Variants in ELF1 observed in about 807,000 individuals in gnomAD.
ELF1 encodes E74 like ETS transcription factor 1.
Under a neutral mutation model 59.9 loss-of-function variants are expected in ELF1, and 24 were observed. That is an observed-to-expected ratio of 0.40 (90% CI 0.29 to 0.56). The LOEUF (loss-of-function observed/expected upper bound fraction) is 0.56. ELF1 is among the 20% of genes least tolerant of loss of function. The pLI, the probability that ELF1 is intolerant of heterozygous loss-of-function variation, is 0.44. For missense variants in ELF1, 627 were observed against 742.2 expected, an observed-to-expected ratio of 0.84 and a Z score of 1.80; for synonymous variants, 248 against 266.2, an observed-to-expected ratio of 0.93 and a Z score of 0.67.
At chr13:40,977,093 T>C (rs1468253560) in intron 2 of ELF1, among the ~76,000 whole-genome samples, 1 of 152,186 alleles carries the variant, frequency 6.6e-6, no homozygotes, top group African/African-American at 2.4e-5. Context: ...GTTTTTTTCA[T>C]ATAATATATC....
intron 1 of ELF1, among the ~76,000 whole-genome samples, chr13:40,993,864 A>G (rs890223342): frequency 6.6e-6 from 1 of 151,900 alleles, no homozygotes; most frequent in Non-Finnish European, 1.5e-5. Context: ...TATCAAAAGT[A>G]TAGTTTTATT....
At chr13:41,024,348 G>A (rs1164843494) in intron 1 of ELF1, among the ~76,000 whole-genome samples, 3 of 151,954 alleles carry the variant, frequency 2.0e-5, no homozygotes, top group Non-Finnish European at 2.9e-5. Flanking sequence ...TTGAGACAGA[G>A]TTTTGCTCTG....
chr13:40,951,640 G>C (rs1338396506), intron 3 of ELF1: 4 of 340,802 alleles, frequency 1.2e-5, no homozygotes, highest in African/African-American at 6.4e-5. Flanking sequence ...GGAAGCCGAG[G>C]CAAGCAGATT....
At chr13:40,994,774 T>C (rs1159616021) in intron 1 of ELF1, among the ~76,000 whole-genome samples, 3 of 152,192 alleles carry the variant, frequency 2.0e-5, no homozygotes, top group East Asian at 3.8e-4. Context: ...GTTAAAAAAA[T>C]TTCTCTCTCC....
chr13:40,991,371 A>G (rs1873844615), intron 1 of ELF1, among the ~76,000 whole-genome samples: 2 of 152,222 alleles, frequency 1.3e-5, no homozygotes, highest in Admixed American at 6.5e-5. Flanking sequence ...GTTTTTCTGT[A>G]AATATAAAAC....
chr13:40,978,789 G>A (rs1355518518), intron 2 of ELF1, among the ~76,000 whole-genome samples: 1 of 150,364 alleles, frequency 6.7e-6, no homozygotes, highest in Non-Finnish European at 1.5e-5. Context: ...CCTAAAGACT[G>A]GCCAAAAAAA....
intron 1 of ELF1, among the ~76,000 whole-genome samples, chr13:41,000,362 T>C (rs961599086): frequency 7.0e-6 from 1 of 143,392 alleles, no homozygotes; most frequent in Non-Finnish European, 1.5e-5. Context: ...TAGCTGGAAC[T>C]ACAGGCACGC....
rs1875830317 is a variant in ELF1, at chr13:41,024,850, TC to T, written c.-229+35987del. Among the ~76,000 whole-genome samples the T allele has an allele frequency of 2.6e-5, 4 of 152,314 alleles. No individual in the cohort carries two copies. The South Asian group carries it at 8.3e-4, about 32-fold the overall frequency. On this transcript the variant is annotated intron_variant, in intron 1 of 1. Transcript: ENST00000405737. ...GAAACTTAAGCTCCTCCTTTGCTAC[TC>T]TTCAGGTAAAAAAGTACTCATCATA...
Position 40,933,866 on chromosome 13 carries a change from T to C in ELF1, c.1419A>G (p.Ser473=), listed in dbSNP as rs1314135590. The C allele has an allele frequency of 6.2e-7, 1 of 1,614,256 alleles. No homozygotes were observed. The highest frequency in any genetic ancestry group is 8.5e-7 in the Non-Finnish European group (1 of 1,180,042). ...CTTTCAGTACTGTCATGGGCTGTGA[T>C]GATGGAATGGCTTGTAAAATAAACT... ...SQKFILQAIP[S]SQPMTVLKEN... is the part of the protein sequence containing the mutation. The change falls in exon 9 of 9, where the codon TCA becomes TCG. Residue 473 remains serine, a synonymous_variant. Coordinates refer to ENST00000239882, the MANE Select transcript of ELF1 (RefSeq NM_172373.4).
intron 3 of ELF1, among the ~76,000 whole-genome samples, chr13:40,955,158 G>A (rs1198864181): frequency 6.0e-5 from 9 of 150,294 alleles, no homozygotes; most frequent in South Asian, 2.1e-4. Flanking sequence ...GAAGTGAGGA[G>A]CCCCTCCGCC....
At chr13:40,987,011 T>C (rs990401663) in intron 1 of ELF1, among the ~76,000 whole-genome samples, 4 of 145,224 alleles carry the variant, frequency 2.8e-5, no homozygotes, top group Non-Finnish European at 4.5e-5. Context: ...TCTCGGCTCA[T>C]TGCAAGCTCC....
intron 3 of ELF1, among the ~76,000 whole-genome samples, chr13:40,954,718 G>A (rs1053971488): frequency 1.1e-4 from 17 of 151,766 alleles, no homozygotes; most frequent in African/African-American, 3.6e-4. Flanking sequence ...CCGAGGTGCC[G>A]GGATGGCAGA....
In ELF1 at chr13:40,968,655, G is replaced by A. The variant is rs537737800; in HGVS notation, c.73-9639C>T. Among the ~76,000 whole-genome samples the A allele has an allele frequency of 4.6e-5, 7 of 151,470 alleles. No individual in the cohort carries two copies. The East Asian group carries it at 1.4e-3, about 29-fold the overall frequency. ...TTCTCCACATACTTTAAAAAAATAT[G>A]CCACTAAAACAGCTCCAAATATTTC... On this transcript the variant is annotated intron_variant, in intron 2 of 8. Transcript: ENST00000239882.
In ELF1 at chr13:41,015,105, G is replaced by A. The variant is rs1875279934; in HGVS notation, c.-229+4123C>T. Reference sequence around the variant, plus strand: ...TAAATGCCACCCTAAATCAGTAAGGGGGTGTTTTTCCTAAAGCCCCAGGAG... The same window carrying A: ...TAAATGCCACCCTAAATCAGTAAGGAGGTGTTTTTCCTAAAGCCCCAGGAG... On this transcript the variant is annotated intron_variant, in intron 1 of 8. Coordinates refer to ENST00000239882, the MANE Select transcript of ELF1 (RefSeq NM_172373.4). Among the ~76,000 whole-genome samples the A allele has an allele frequency of 7.2e-5, 11 of 152,224 alleles. No homozygotes were observed. In the South Asian group the frequency reaches 2.3e-3, roughly 32 times the overall value.
In ELF1 at chr13:40,941,353, C is replaced by A; in HGVS notation, c.824G>T (p.Gly275Val). The change falls in exon 8 of 9, where the codon GGT becomes GTT. Residue 275 changes from glycine (G) to valine (V), a missense_variant. Transcript: ENST00000239882. The stretch of plus-strand genomic sequence containing the variant: ...CTGACCTTCCACTTTTGCCAGAATA[C>A]CCCTTTGGTAATAGTACCTATTCAA... ...GRALRYYYQR[G>V]ILAKVEGQRL... is the part of the protein sequence containing the mutation. 6.2e-7 allele frequency: 1 copy of A among 1,603,150 alleles called. No individual in the cohort carries two copies. The highest frequency in any genetic ancestry group is 8.5e-7 in the Non-Finnish European group (1 of 1,176,518).
At chr13:41,019,734 A>C (rs1875615215), upstream of ELF1, among the ~76,000 whole-genome samples, 2 of 152,194 alleles carry the variant, frequency 1.3e-5, no homozygotes, top group Non-Finnish European at 2.9e-5. Context: ...TGGTGAGTGT[A>C]ATCTGGCTAC....
chr13:41,061,278 GGA>G, exon 1 of ELF1: 1 of 308,770 alleles, frequency 3.2e-6, no homozygotes, highest in Non-Finnish European at 6.2e-6. Context: ...GAGCCTAGAA[GGA>G]GGATGGAGGT....
intron 2 of ELF1, among the ~76,000 whole-genome samples, chr13:40,969,673 G>A (rs1469814923): frequency 1.3e-5 from 2 of 152,126 alleles, no homozygotes; most frequent in Non-Finnish European, 2.9e-5. Flanking sequence ...ACTGAATTAG[G>A]AAACTCTCTC....
intron 1 of ELF1, among the ~76,000 whole-genome samples, chr13:41,048,417 C>G (rs1876950352): frequency 6.6e-6 from 1 of 152,188 alleles, no homozygotes; most frequent in Admixed American, 6.5e-5. Context: ...CATCTTGGAA[C>G]TGCCTACAGT....
Sources: gnomAD v4.1 joint callset for allele counts (sites outside exome capture counted in the v4.1 genomes callset) on GRCh38, gnomAD v4.1.1 for gene constraint, MANE v1.5 for transcripts, NCBI Gene and HGNC (gene_info 2026-07-23, HGNC 2026-07-21) for gene names.